Variants in SPOCK1 observed in about 807,000 individuals in gnomAD.
SPOCK1 encodes SPARC (osteonectin), cwcv and kazal like domains proteoglycan 1, also known as testican-1.
A neutral mutation model predicts 55.3 loss-of-function variants in SPOCK1; 23 were observed. That is an observed-to-expected ratio of 0.42 (90% CI 0.30 to 0.59). SPOCK1 has a LOEUF of 0.59. Ranked by LOEUF, SPOCK1 falls within the 20% of genes least tolerant of loss-of-function variation. SPOCK1 has a pLI of 0.22. For synonymous variants in SPOCK1, 226 were observed against 221.0 expected (o/e 1.02, Z -0.20); for missense variants, 499 against 552.5 (o/e 0.90, Z 0.97).
At chr5:137,063,473 T>C (rs895754397) in intron 6 of SPOCK1, among the ~76,000 whole-genome samples, 1 of 150,538 alleles carries the variant, frequency 6.6e-6, no homozygotes, top group East Asian at 1.9e-4. Context: ...GAGCTGAAGA[T>C]GTTATAACTC....
In SPOCK1 at chr5:137,498,490, G is replaced by C. The variant is rs752329481; in HGVS notation, c.69C>G (p.His23Gln). 3 of 1,593,732 alleles carry C rather than the reference G, an allele frequency of 1.9e-6. No homozygotes were observed. The highest frequency in any genetic ancestry group is 2.7e-5 in the African/African-American group (2 of 74,504). ...AWCFLQVESR[H>Q]LDALAGGAGP... ...CCGCGCCTCCGGCGAGCGCGTCCAG[G>C]TGCCGGCTCTCGACTTGGAGGAAGC... Residue 23 changes from histidine to glutamine, a missense_variant, in exon 2 of 11, where the codon CAC becomes CAG. His to Gln is a conservative substitution (Grantham distance 24). Around this residue, in one of 3 missense-constraint regions of SPOCK1, gnomAD observed 386 missense variants for 400.6 expected, o/e 0.96. Transcript: ENST00000394945.
At chr5:137,178,054 A>AAAAGATGAATC (rs1754890721) in intron 3 of SPOCK1, among the ~76,000 whole-genome samples, 1 of 152,212 alleles carries the variant, frequency 6.6e-6, no homozygotes, top group African/African-American at 2.4e-5. Flanking sequence ...GTGAGCAGAG[A>AAAAGATGAATC]AAAGATGAAT....
At chr5:137,123,602 C>T (rs1287368824) in intron 4 of SPOCK1, among the ~76,000 whole-genome samples, 1 of 152,156 alleles carries the variant, frequency 6.6e-6, no homozygotes, top group Non-Finnish European at 1.5e-5. Flanking sequence ...CCTATTCTAC[C>T]TAGACCGTGT....
chr5:136,985,995 G>A (rs1051313611), intron 8 of SPOCK1, among the ~76,000 whole-genome samples: 1 of 152,102 alleles, frequency 6.6e-6, no homozygotes, highest in Non-Finnish European at 1.5e-5. Context: ...GGCTGATACT[G>A]CCTCTTTCTG....
intron 6 of SPOCK1, among the ~76,000 whole-genome samples, chr5:137,067,416 G>C (rs1320718686): frequency 6.6e-6 from 1 of 152,172 alleles, no homozygotes; most frequent in African/African-American, 2.4e-5. Context: ...ATGTACCCCA[G>C]GGCAGGTCCG....
chr5:137,058,476 T>C (rs142511185), intron 6 of SPOCK1, among the ~76,000 whole-genome samples: 129 of 152,374 alleles, frequency 8.5e-4, no homozygotes, highest in African/African-American at 2.9e-3. Flanking sequence ...ATTTTAAACA[T>C]TGTATATTAT....
intron 2 of SPOCK1, among the ~76,000 whole-genome samples, chr5:137,481,987 C>A (rs1753960541): frequency 6.6e-6 from 1 of 151,934 alleles, no homozygotes; most frequent in Non-Finnish European, 1.5e-5. Context: ...ACCCAAAAGA[C>A]TTTTCTCCCA....
intron 3 of SPOCK1, among the ~76,000 whole-genome samples, chr5:137,177,024 G>A (rs2127061902): frequency 6.6e-6 from 1 of 152,208 alleles, no homozygotes; most frequent in Non-Finnish European, 1.5e-5. Flanking sequence ...AAAAATTTCA[G>A]TAGCACCCAA....
At chr5:137,221,352 C>T (rs1755843693) in intron 3 of SPOCK1, among the ~76,000 whole-genome samples, 1 of 152,096 alleles carries the variant, frequency 6.6e-6, no homozygotes, top group Admixed American at 6.6e-5. Flanking sequence ...AAAAAGCACT[C>T]GAAGAGACAG....
At chr5:137,027,136 G>A (rs981054046) in intron 6 of SPOCK1, among the ~76,000 whole-genome samples, 1 of 152,194 alleles carries the variant, frequency 6.6e-6, no homozygotes, top group African/African-American at 2.4e-5. Context: ...AAAGGACCAG[G>A]TGACAGTGGC....
At chr5:137,278,653 C>A (rs923160585) in intron 2 of SPOCK1, among the ~76,000 whole-genome samples, 3 of 152,160 alleles carry the variant, frequency 2.0e-5, no homozygotes, top group Non-Finnish European at 4.4e-5. Flanking sequence ...CAGGCACTGA[C>A]GCAACTCTGT....
chr5:137,403,168 A>G (rs1752019605), intron 2 of SPOCK1, among the ~76,000 whole-genome samples: 1 of 152,220 alleles, frequency 6.6e-6, no homozygotes, highest in Non-Finnish European at 1.5e-5. Flanking sequence ...CTAGGAGACC[A>G]CTACGGAAGA....
intron 2 of SPOCK1, among the ~76,000 whole-genome samples, chr5:137,287,861 G>C (rs956345204): frequency 6.6e-6 from 1 of 152,156 alleles, no homozygotes; most frequent in Non-Finnish European, 1.5e-5. Flanking sequence ...TACCTACATG[G>C]GGAGAGAAGC....
chr5:137,444,197 C>A (rs952728496), intron 2 of SPOCK1, among the ~76,000 whole-genome samples: 1 of 152,150 alleles, frequency 6.6e-6, no homozygotes, highest in Non-Finnish European at 1.5e-5. Context: ...TGCTCTTCCC[C>A]ACCTGACACA....
chr5:137,098,103 C>G (rs1269617838), intron 5 of SPOCK1, among the ~76,000 whole-genome samples: 1 of 152,192 alleles, frequency 6.6e-6, no homozygotes, highest in Non-Finnish European at 1.5e-5. Flanking sequence ...ATCAATGTGA[C>G]ACATACTGTT....
intron 5 of SPOCK1, among the ~76,000 whole-genome samples, chr5:137,098,328 T>G (rs1753193295): frequency 1.3e-5 from 2 of 152,284 alleles, no homozygotes; most frequent in South Asian, 2.1e-4. Context: ...TGGCTCTACT[T>G]CCAGCACTCC....
At chr5:137,296,662 T>C (rs979348677) in intron 2 of SPOCK1, among the ~76,000 whole-genome samples, 3 of 152,222 alleles carry the variant, frequency 2.0e-5, no homozygotes, top group Non-Finnish European at 4.4e-5. Flanking sequence ...CAAGCACCGA[T>C]AAATCACAGT....
intron 6 of SPOCK1, among the ~76,000 whole-genome samples, chr5:137,022,740 C>T (rs542015868): frequency 6.6e-6 from 1 of 152,196 alleles, no homozygotes; most frequent in African/African-American, 2.4e-5. Flanking sequence ...AAAGTCAGAT[C>T]ATATACAGTA....
intron 2 of SPOCK1, among the ~76,000 whole-genome samples, chr5:137,352,309 T>G (rs1389350425): frequency 6.6e-6 from 1 of 152,210 alleles, no homozygotes; most frequent in African/African-American, 2.4e-5. Flanking sequence ...CACAAAGGCA[T>G]CTCTGTTAAT....
Sources: allele counts gnomAD v4.1 joint callset (sites outside exome capture counted in the v4.1 genomes callset), GRCh38; gene constraint gnomAD v4.1.1; regional missense constraint gnomAD v4.1.1; transcripts MANE v1.5; gene names NCBI Gene and HGNC (gene_info 2026-07-23, HGNC 2026-07-21).